The following ANKS1B variants were observed in gnomAD, a reference collection of about 807,000 sequenced individuals.
ANKS1B encodes ankyrin repeat and sterile alpha motif domain containing 1B.
A neutral mutation model predicts 148.3 loss-of-function variants in ANKS1B; 36 were observed. That is an observed-to-expected ratio of 0.24 (90% CI 0.19 to 0.32). The LOEUF (loss-of-function observed/expected upper bound fraction) is 0.32. Among genes scored for constraint, ANKS1B ranks in the 10% least tolerant of loss-of-function variants. The pLI, the probability that ANKS1B is intolerant of heterozygous loss-of-function variation, is 1.00. For synonymous variants in ANKS1B, 542 were observed against 560.8 expected (o/e 0.97, Z 0.47); for missense variants, 1,157 against 1,542.6 (o/e 0.75, Z 4.19).
chr12:99,330,923 T>C (rs924209642), intron 12 of ANKS1B, among the ~76,000 whole-genome samples: 3 of 152,014 alleles, frequency 2.0e-5, no homozygotes, highest in Non-Finnish European at 1.5e-5. Context: ...TACTAGGTTA[T>C]GTGCATAGTT....
chr12:99,148,390 T>G (rs568161991), intron 15 of ANKS1B, among the ~76,000 whole-genome samples: 2 of 152,234 alleles, frequency 1.3e-5, no homozygotes, highest in South Asian at 4.1e-4. Context: ...AGGCTCCTTT[T>G]TAACACAAGA....
intron 1 of ANKS1B, among the ~76,000 whole-genome samples, chr12:99,929,074 C>A (rs1406927709): frequency 6.6e-6 from 1 of 152,170 alleles, no homozygotes; most frequent in Non-Finnish European, 1.5e-5. Context: ...TTATAAGCTT[C>A]ATTTGTCCAA....
chr12:99,904,095 A>C lies in ANKS1B; in HGVS notation c.135-78706T>G, dbSNP rs548186723. 2.6e-5 allele frequency among the ~76,000 whole-genome samples: 4 copies of C among 152,206 alleles called. No individual in the cohort carries two copies. In the South Asian group the frequency reaches 8.3e-4, roughly 32 times the overall value. On this transcript the variant is annotated intron_variant, in intron 1 of 26. Transcript: ENST00000683438. ...CCAATGCATGCCCTTGTAGGATTTC[A>C]TTAATTTAAGTTGGATTTGTGTCTC... is the stretch of plus-strand genomic sequence containing the variant.
chr12:98,815,070 G>T (rs970671946), intron 19 of ANKS1B, among the ~76,000 whole-genome samples: 3 of 152,150 alleles, frequency 2.0e-5, no homozygotes, highest in Admixed American at 2.0e-4. Flanking sequence ...CCTAAAGGTG[G>T]ACTTCCTTTT....
intron 17 of ANKS1B, among the ~76,000 whole-genome samples, chr12:99,051,134 A>C (rs2099965781): frequency 6.6e-6 from 1 of 152,208 alleles, no homozygotes; most frequent in African/African-American, 2.4e-5. Flanking sequence ...GTCTGGCTGC[A>C]GTCACTAAAC....
intron 8 of ANKS1B, among the ~76,000 whole-genome samples, chr12:99,758,030 C>T (rs893444209): frequency 6.6e-6 from 1 of 151,848 alleles, no homozygotes; most frequent in Non-Finnish European, 1.5e-5. Flanking sequence ...TACAACAAAC[C>T]CCCATGGCAC....
At chr12:99,131,225 C>T (rs2065996212) in intron 15 of ANKS1B, among the ~76,000 whole-genome samples, 1 of 152,178 alleles carries the variant, frequency 6.6e-6, no homozygotes, top group African/African-American at 2.4e-5. Context: ...CCAACAAACA[C>T]TTGGTTTAAG....
At chr12:98,931,156 T>G (rs2099813367) in intron 17 of ANKS1B, among the ~76,000 whole-genome samples, 1 of 152,178 alleles carries the variant, frequency 6.6e-6, no homozygotes, top group South Asian at 2.1e-4. Context: ...TCATGGACAC[T>G]GGTGACTTGA....
At chr12:99,671,015 C>T (rs1288339159) in intron 8 of ANKS1B, among the ~76,000 whole-genome samples, 1 of 152,122 alleles carries the variant, frequency 6.6e-6, no homozygotes, top group African/African-American at 2.4e-5. Context: ...AAATAGAAAG[C>T]TTCTACGTAT....
At chr12:99,794,210 A>C (rs1431293569) in intron 4 of ANKS1B, among the ~76,000 whole-genome samples, 1 of 151,980 alleles carries the variant, frequency 6.6e-6, no homozygotes. Context: ...GGAATCCTAT[A>C]TACTGTAGGT....
intron 17 of ANKS1B, among the ~76,000 whole-genome samples, chr12:99,041,960 C>T (rs1332878292): frequency 6.6e-6 from 1 of 152,060 alleles, no homozygotes; most frequent in Non-Finnish European, 1.5e-5. Context: ...TTGATTGCAC[C>T]ACTGCACTCT....
chr12:99,788,742 A>G (rs1455590202), intron 4 of ANKS1B, among the ~76,000 whole-genome samples: 1 of 152,108 alleles, frequency 6.6e-6, no homozygotes, highest in East Asian at 1.9e-4. Flanking sequence ...ACTGCCCTAT[A>G]GGGTGAGTCT....
chr12:99,376,649 A>C (rs1395793515), intron 12 of ANKS1B, among the ~76,000 whole-genome samples: 1 of 152,216 alleles, frequency 6.6e-6, no homozygotes, highest in East Asian at 1.9e-4. Context: ...TGCATGGTTC[A>C]AGTAATGGGC....
At chr12:99,167,800 A>T (rs1414351321) in intron 14 of ANKS1B, among the ~76,000 whole-genome samples, 3 of 152,218 alleles carry the variant, frequency 2.0e-5, no homozygotes, top group Non-Finnish European at 4.4e-5. Flanking sequence ...ACATCCTAAA[A>T]GTCCATCAAC....
chr12:99,349,242 A>G (rs1376380775), intron 12 of ANKS1B, among the ~76,000 whole-genome samples: 1 of 152,016 alleles, frequency 6.6e-6, no homozygotes, highest in Admixed American at 6.6e-5. Flanking sequence ...ATTAATAACA[A>G]AAATGTAACT....
intron 15 of ANKS1B, among the ~76,000 whole-genome samples, chr12:99,141,142 C>G (rs1366101911): frequency 6.6e-6 from 1 of 152,030 alleles, no homozygotes; most frequent in Non-Finnish European, 1.5e-5. Context: ...TCTACCTAAT[C>G]ATTCCTTTCA....
intron 9 of ANKS1B, among the ~76,000 whole-genome samples, chr12:99,545,497 C>G (rs1211744266): frequency 2.0e-5 from 3 of 151,988 alleles, no homozygotes. Flanking sequence ...GGTCACAGCA[C>G]TATTGGGAGG....
chr12:99,309,869 C>T (rs1429794720), intron 12 of ANKS1B, among the ~76,000 whole-genome samples: 2 of 152,072 alleles, frequency 1.3e-5, no homozygotes, highest in Non-Finnish European at 2.9e-5. Context: ...CTCTTAAGAA[C>T]ATTACTTAAA....
At chr12:99,475,509 T>C (rs1359629567) in intron 10 of ANKS1B, among the ~76,000 whole-genome samples, 1 of 151,702 alleles carries the variant, frequency 6.6e-6, no homozygotes, top group Non-Finnish European at 1.5e-5. Context: ...TTAAATGTCA[T>C]GTAAAATCTG....
Sources: allele counts gnomAD v4.1 joint callset (sites outside exome capture counted in the v4.1 genomes callset), GRCh38; gene constraint gnomAD v4.1.1; transcripts MANE v1.5; gene names NCBI Gene and HGNC (gene_info 2026-07-23, HGNC 2026-07-21).